Variants in CCDC82 observed in about 807,000 individuals in gnomAD.
CCDC82 encodes coiled-coil domain-containing protein 82.
CCDC82 carries 47 observed loss-of-function variants against 60.6 expected under a neutral mutation model. The observed-to-expected ratio is 0.77, with a 90% CI of 0.61 to 0.99. The LOEUF is 0.99. Ranked by LOEUF, CCDC82 falls within the 50% of genes least tolerant of loss-of-function variation. The pLI, the probability that CCDC82 is intolerant of heterozygous loss-of-function variation, is 0.00. For synonymous variants in CCDC82, 212 were observed against 207.4 expected (o/e 1.02, Z -0.19); for missense variants, 588 against 633.0 (o/e 0.93, Z 0.76).
At chr11:96,366,064 A>G (rs1368924584) in intron 7 of CCDC82, among the ~76,000 whole-genome samples, 1 of 152,214 alleles carries the variant, frequency 6.6e-6, no homozygotes, top group African/African-American at 2.4e-5. Context: ...TATTACTTAC[A>G]GGCTGAAATT....
At chr11:96,386,164 C>T (rs1055058888) in intron 3 of CCDC82, 90 bp downstream of exon 3, 1 of 152,248 alleles carries the variant, frequency 6.6e-6, no homozygotes, top group Non-Finnish European at 1.5e-5. Flanking sequence ...AATTAACTAC[C>T]ATTAAAAATC....
intron 5 of CCDC82, among the ~76,000 whole-genome samples, chr11:96,375,387 T>A (rs1865514966): frequency 6.6e-6 from 1 of 152,218 alleles, no homozygotes; most frequent in Non-Finnish European, 1.5e-5. Context: ...CATAAGATTC[T>A]TCTTTTATCA....
intron 9 of CCDC82, chr11:96,357,901 A>G: frequency 2.0e-6 from 2 of 985,438 alleles, no homozygotes; most frequent in South Asian, 9.4e-5. Flanking sequence ...AAAGCTGAAA[A>G]GAATAAAATG....
At chr11:96,374,944 T>C (rs1372352844) in intron 5 of CCDC82, among the ~76,000 whole-genome samples, 1 of 151,432 alleles carries the variant, frequency 6.6e-6, no homozygotes, top group East Asian at 1.9e-4. Context: ...AATAAATAAG[T>C]AAATAAATTT....
rs572624983 is a variant in CCDC82, at chr11:96,377,314, C to T, written c.992-3847G>A. On this transcript the variant is annotated intron_variant, in intron 5 of 9. Transcript: ENST00000646818. Reference sequence around the variant, plus strand: ...TATCCCTTCTCTTAACTTCTGTATCCTTTGTTAAGTCAGAAACTTTTAGCT... The same window carrying T: ...TATCCCTTCTCTTAACTTCTGTATCTTTTGTTAAGTCAGAAACTTTTAGCT... Among the ~76,000 whole-genome samples, 208 of 152,068 alleles carry T rather than the reference C, an allele frequency of 1.4e-3. 2 individuals carry two copies. Among genetic ancestry groups the T allele is most frequent in the Non-Finnish European group, 2.1e-4 (14 of 67,970 alleles).
intron 5 of CCDC82, among the ~76,000 whole-genome samples, chr11:96,376,289 A>C (rs978419241): frequency 1.3e-5 from 2 of 152,194 alleles, no homozygotes; most frequent in Non-Finnish European, 2.9e-5. Flanking sequence ...AGTTTAACCA[A>C]AAAAACTAAT....
intron 9 of CCDC82, chr11:96,357,000 C>T: frequency 1.0e-6 from 1 of 985,418 alleles, no homozygotes; most frequent in Non-Finnish European, 1.2e-6. Context: ...ATGGAGACGG[C>T]ATTCAAGTAA....
At chr11:96,355,993 T>A (rs929971002) in intron 9 of CCDC82, 1 of 152,230 alleles carries the variant, frequency 6.6e-6, no homozygotes, top group African/African-American at 2.4e-5. Flanking sequence ...CAGAAGGGAA[T>A]TGATTCGCCA....
rs201779303 is a variant in CCDC82 at position 96,384,188 on chromosome 11, G to A, written c.560C>T (p.Ser187Phe). 87 of 1,613,836 alleles carry A rather than the reference G, an allele frequency of 5.4e-5. No homozygotes were observed. In the South Asian group the frequency reaches 8.8e-4, roughly 16 times the overall value. The change falls in exon 4 of 10, where the codon TCT (serine) becomes TTT (phenylalanine). Residue 187 changes from serine (S) to phenylalanine (F), a missense_variant. Coordinates refer to ENST00000646818, the MANE Select transcript of CCDC82 (RefSeq NM_024725.4). ...ACTCTCATCACTGTCACACATCACA[G>A]AGGATAGCCTTTTTCTTTTTCCTCG... ...IKRGKRKRLS[S>F]VMCDSDESDD...
intron 7 of CCDC82, among the ~76,000 whole-genome samples, chr11:96,366,925 G>C (rs557654508): frequency 6.6e-6 from 1 of 152,248 alleles, no homozygotes; most frequent in South Asian, 2.1e-4. Context: ...TGGTTTCCTA[G>C]TACACATAAA....
At chr11:96,377,776 A>G (rs1340012461) in intron 5 of CCDC82, among the ~76,000 whole-genome samples, 1 of 152,044 alleles carries the variant, frequency 6.6e-6, no homozygotes, top group East Asian at 1.9e-4. Context: ...TATTCTTGTA[A>G]TTACATAAAC....
At chr11:96,388,589 T>A (rs1866342976) in intron 1 of CCDC82, 1 of 152,240 alleles carries the variant, frequency 6.6e-6, no homozygotes, top group African/African-American at 2.4e-5. Context: ...TAGCTAAAAG[T>A]ACTTTGATGA....
intron 9 of CCDC82, chr11:96,355,568 A>C (rs1864302209): frequency 6.6e-6 from 1 of 152,212 alleles, no homozygotes; most frequent in South Asian, 2.1e-4. Context: ...ACTTAGGCTA[A>C]GAGAAATAAA....
intron 8 of CCDC82, among the ~76,000 whole-genome samples, chr11:96,359,821 A>ACC (rs1864547533): frequency 6.6e-6 from 1 of 150,394 alleles, no homozygotes; most frequent in East Asian, 2.0e-4. Context: ...TTCCCCCCCC[A>ACC]AAAAAAATGA....
chr11:96,381,487 T>C (rs1025610132), intron 5 of CCDC82: 1 of 151,684 alleles, frequency 6.6e-6, no homozygotes, highest in Non-Finnish European at 1.5e-5. Context: ...TTTTCTGAAA[T>C]ATTTGGAAAG....
intron 1 of CCDC82, chr11:96,388,505 T>A (rs1487890043): frequency 1.3e-5 from 2 of 152,206 alleles, no homozygotes; most frequent in East Asian, 3.8e-4. Flanking sequence ...CATAGCTATG[T>A]TATCTGCCAA....
chr11:96,371,232 A>G, intron 6 of CCDC82, 95 bp from the exon 7 acceptor site: 1 of 816,032 alleles, frequency 1.2e-6, no homozygotes, highest in East Asian at 3.4e-5. Flanking sequence ...CTTGGTTGGA[A>G]GCATTTTAAA....
intron 7 of CCDC82, among the ~76,000 whole-genome samples, chr11:96,368,888 T>C (rs1865100987): frequency 6.6e-6 from 1 of 151,736 alleles, no homozygotes; most frequent in South Asian, 2.1e-4. Context: ...AGGCATCTTC[T>C]TCTAACAAAA....
intron 9 of CCDC82, chr11:96,354,773 C>A (rs1284425863): frequency 6.6e-6 from 1 of 152,110 alleles, no homozygotes; most frequent in African/African-American, 2.4e-5. Flanking sequence ...CAGTTTCAGA[C>A]ATATAGAGTT....
Sources: gnomAD v4.1 joint callset for allele counts (sites outside exome capture counted in the v4.1 genomes callset) on GRCh38, gnomAD v4.1.1 for gene constraint, MANE v1.5 for transcripts, NCBI Gene and HGNC (gene_info 2026-07-23, HGNC 2026-07-21) for gene names.